PVT1: variants seen among roughly 807,000 people sequenced by gnomAD.
PVT1 encodes the protein Pvt1 oncogene.
intron 5 of PVT1, among the ~76,000 whole-genome samples, chr8:128,087,920 G>C (rs191375591): frequency 6.6e-6 from 1 of 151,562 alleles, no homozygotes; most frequent in Non-Finnish European, 1.5e-5. Context: ...CACCACACCC[G>C]GCTATTTTTT....
At position 128,093,740 on chromosome 8, in the gene PVT1, C is replaced by T. The variant is rs373657068; in HGVS notation, n.1115-2778C>T. On this transcript the variant is annotated intron_variant and non_coding_transcript_variant, in intron 5 of 10. Coordinates refer to ENST00000651587, the Ensembl canonical transcript of PVT1. ...GCAACCTCCGCCTCCCAGGTTCAAG[C>T]GATTCCTCTGCCTCAGCCTCCTGAG... 1.1e-3 allele frequency among the ~76,000 whole-genome samples: 171 copies of T among 151,898 alleles called. 1 individual carries two copies. Among genetic ancestry groups the T allele is most frequent in the East Asian group, 2.8e-3 (14 of 5,088 alleles).
chr8:128,010,376 C>T (rs1817298494), intron 4 of PVT1: 1 of 152,214 alleles, frequency 6.6e-6, no homozygotes, highest in Admixed American at 6.5e-5. Flanking sequence ...AGTAATACAG[C>T]AGCCAACTTC....
chr8:128,003,607 A>T (rs1817211442), intron 4 of PVT1, among the ~76,000 whole-genome samples: 2 of 148,922 alleles, frequency 1.3e-5, no homozygotes, highest in African/African-American at 4.9e-5. Context: ...TACTGGGATT[A>T]CGGGTGTGCG....
At chr8:127,971,604 T>C (rs2129964298) in intron 3 of PVT1, among the ~76,000 whole-genome samples, 1 of 152,264 alleles carries the variant, frequency 6.6e-6, no homozygotes, top group Non-Finnish European at 1.5e-5. Context: ...CAGTGTAGCA[T>C]AGAGCAGCCC....
chr8:127,855,030 T>G (rs1288138672), intron 2 of PVT1: 2 of 395,648 alleles, frequency 5.1e-6, no homozygotes, highest in African/African-American at 4.1e-5. Flanking sequence ...AAGCAGCATG[T>G]CTGGGATTTG....
At chr8:128,048,054 A>G (rs935872990) in intron 4 of PVT1, among the ~76,000 whole-genome samples, 3 of 152,192 alleles carry the variant, frequency 2.0e-5, no homozygotes, top group Non-Finnish European at 4.4e-5. Flanking sequence ...ACACTAATGC[A>G]CAGCCACCAA....
intron 4 of PVT1, among the ~76,000 whole-genome samples, chr8:128,044,453 C>T (rs1813588009): frequency 6.6e-6 from 1 of 152,190 alleles, no homozygotes; most frequent in Non-Finnish European, 1.5e-5. Flanking sequence ...GACCTCCACA[C>T]CCAGCCTCAG....
chr8:128,018,833 T>A (rs569974151), intron 4 of PVT1, among the ~76,000 whole-genome samples: 1 of 152,288 alleles, frequency 6.6e-6, no homozygotes, highest in Non-Finnish European at 1.5e-5. Flanking sequence ...CCCCCACCAC[T>A]TAAAATTCCC....
intron 3 of PVT1, among the ~76,000 whole-genome samples, chr8:127,984,426 A>G (rs10956400): frequency 0.84 from 127,428 of 152,170 alleles, 53,428 homozygotes; most frequent in South Asian, 0.9. Context: ...TCAAATCCAG[A>G]CTATCTGTCC....
chr8:128,034,001 G>C (rs1813429800), intron 4 of PVT1, among the ~76,000 whole-genome samples: 1 of 151,864 alleles, frequency 6.6e-6, no homozygotes, highest in African/African-American at 2.4e-5. Flanking sequence ...TGCCTTGCCG[G>C]CCACCTCCCC....
chr8:128,054,640 T>C (rs568157886), intron 4 of PVT1, among the ~76,000 whole-genome samples: 19 of 152,326 alleles, frequency 1.2e-4, no homozygotes, highest in African/African-American at 4.6e-4. Flanking sequence ...GCTGGTTGCC[T>C]CTTGCCACAT....
intron 5 of PVT1, among the ~76,000 whole-genome samples, chr8:128,096,164 G>A (rs1814426732): frequency 6.6e-6 from 1 of 152,196 alleles, no homozygotes; most frequent in South Asian, 2.1e-4. Context: ...GTGTTTGTGG[G>A]GCACAGGATA....
At chr8:128,050,833 A>T (rs1280117796) in intron 4 of PVT1, among the ~76,000 whole-genome samples, 1 of 152,228 alleles carries the variant, frequency 6.6e-6, no homozygotes, top group Non-Finnish European at 1.5e-5. Context: ...CCCACTGATT[A>T]TTCAAACTCC....
chr8:128,097,362 AAAAC>A (rs536976264), intron 6 of PVT1, among the ~76,000 whole-genome samples: 19 of 152,292 alleles, frequency 1.2e-4, no homozygotes, highest in African/African-American at 2.6e-4. Flanking sequence ...ACTACTTCTC[AAAAC>A]AAACAAACAA....
chr8:128,060,521 G>A (rs370123214), intron 4 of PVT1, among the ~76,000 whole-genome samples: 79 of 152,256 alleles, frequency 5.2e-4, no homozygotes, highest in African/African-American at 1.7e-3. Context: ...CTGGACTCTC[G>A]GAGTTTAAAC....
chr8:127,963,952 G>A (rs1019323048), intron 3 of PVT1, among the ~76,000 whole-genome samples: 9 of 152,158 alleles, frequency 5.9e-5, no homozygotes, highest in Admixed American at 1.3e-4. Context: ...TCGTTTATTC[G>A]TCCAGTAACG....
chr8:127,908,659 C>G (rs939169832), intron 3 of PVT1, among the ~76,000 whole-genome samples: 1 of 152,142 alleles, frequency 6.6e-6, no homozygotes, highest in South Asian at 2.1e-4. Context: ...GTTTCTTAAC[C>G]CTTGATGGGA....
At chr8:127,877,608 T>C (rs1815420110) in intron 2 of PVT1, among the ~76,000 whole-genome samples, 1 of 152,208 alleles carries the variant, frequency 6.6e-6, no homozygotes, top group Admixed American at 6.5e-5. Context: ...ACATTTTGAC[T>C]TAGTCCTTAA....
intron 2 of PVT1, among the ~76,000 whole-genome samples, chr8:127,845,375 G>A (rs1488829899): frequency 1.3e-5 from 2 of 152,192 alleles, no homozygotes; most frequent in African/African-American, 4.8e-5. Context: ...GATCCTCATG[G>A]CTTTCAAGGA....
Sources: gnomAD v4.1 joint callset for allele counts (sites outside exome capture counted in the v4.1 genomes callset) on GRCh38, gnomAD v4.1.1 for gene constraint, MANE v1.5 for transcripts, NCBI Gene and HGNC (gene_info 2026-07-23, HGNC 2026-07-21) for gene names.